Variants in NEDD4L observed in about 807,000 individuals in gnomAD.
NEDD4L encodes NEDD4 like E3 ubiquitin protein ligase.
In NEDD4L, 54 loss-of-function variants were observed where a neutral mutation model predicts 148.9. The observed-to-expected ratio is 0.36, with a 90% CI of 0.29 to 0.45. The LOEUF (loss-of-function observed/expected upper bound fraction) is 0.45. Among genes scored for constraint, NEDD4L ranks in the 20% least tolerant of loss-of-function variants. NEDD4L has a pLI of 1.00. For missense variants in NEDD4L, 856 were observed against 1,233.8 expected (o/e 0.69, Z 4.59); for synonymous variants, 433 against 440.7 (o/e 0.98, Z 0.22).
intron 1 of NEDD4L, among the ~76,000 whole-genome samples, chr18:58,053,763 G>A (rs1432527256): frequency 6.6e-6 from 1 of 152,204 alleles, no homozygotes; most frequent in Non-Finnish European, 1.5e-5. Flanking sequence ...TGCTGAGATT[G>A]TTGTAATACT....
intron 1 of NEDD4L, among the ~76,000 whole-genome samples, chr18:58,112,362 T>G (rs2085472732): frequency 1.4e-4 from 1 of 7,298 alleles, no homozygotes; most frequent in South Asian, 5.4e-3. Context: ...CTATTTGTCT[T>G]TATTTATTTA....
At chr18:58,132,713 T>G (rs1036296373) in intron 1 of NEDD4L, among the ~76,000 whole-genome samples, 5 of 152,252 alleles carry the variant, frequency 3.3e-5, no homozygotes, top group Admixed American at 6.5e-5. Flanking sequence ...TAGTGGGCCT[T>G]GGACCTGCTG....
intron 1 of NEDD4L, among the ~76,000 whole-genome samples, chr18:58,153,009 T>C (rs480230): frequency 0.054 from 8,268 of 152,040 alleles, 754 homozygotes; most frequent in African/African-American, 0.19. Flanking sequence ...GTCTTCAGGG[T>C]TTTAGGGGAA....
intron 2 of NEDD4L, among the ~76,000 whole-genome samples, chr18:58,192,280 C>T (rs1269543420): frequency 6.6e-6 from 1 of 152,224 alleles, no homozygotes; most frequent in Non-Finnish European, 1.5e-5. Flanking sequence ...TCTTAACATA[C>T]AGACATTAAA....
intron 2 of NEDD4L, chr18:58,195,633 TCGCCGCC>T (rs766470319): frequency 7.4e-7 from 1 of 1,349,892 alleles, no homozygotes; most frequent in South Asian, 1.1e-5. Context: ...GGATTTCTCC[TCGCCGCC>T]GTTGCTGTTG....
In NEDD4L at chr18:58,350,736, C is replaced by T. The variant is rs1350396229; in HGVS notation, c.1654-255C>T. Among the ~76,000 whole-genome samples, 2 of 152,222 alleles carry T rather than the reference C, an allele frequency of 1.3e-5. 1 individual carries two copies. Among genetic ancestry groups the T allele is most frequent in the Admixed American group, 1.3e-4 (2 of 15,286 alleles). On this transcript the variant is annotated intron_variant, in intron 17 of 30. Coordinates refer to ENST00000400345, the MANE Select transcript of NEDD4L (RefSeq NM_001144967.3). ...GGAATGCTGCGGTTTCCCTTTGAAG[C>T]TTTTGAGCTAGCAGCCCATTTCCGG...
intron 11 of NEDD4L, among the ~76,000 whole-genome samples, chr18:58,332,422 CG>C (rs2041112785): frequency 6.6e-6 from 1 of 152,106 alleles, no homozygotes; most frequent in African/African-American, 2.4e-5. Context: ...CTGAAGCAGG[CG>C]GATCACCTGA....
intron 1 of NEDD4L, among the ~76,000 whole-genome samples, chr18:58,061,183 C>G (rs922568318): frequency 3.9e-5 from 6 of 152,140 alleles, no homozygotes; most frequent in Non-Finnish European, 5.9e-5. Flanking sequence ...TCATCTCGCC[C>G]CAAATGCTGC....
At chr18:58,213,708 A>G (rs2042840744) in intron 2 of NEDD4L, among the ~76,000 whole-genome samples, 1 of 152,092 alleles carries the variant, frequency 6.6e-6, no homozygotes, top group Non-Finnish European at 1.5e-5. Flanking sequence ...TTTGAGGTTA[A>G]ACATGCTGGC....
At chr18:58,111,901 C>A (rs1019928548) in intron 1 of NEDD4L, among the ~76,000 whole-genome samples, 15 of 152,196 alleles carry the variant, frequency 9.9e-5, no homozygotes, top group Non-Finnish European at 1.6e-4. Flanking sequence ...GACATTCCCC[C>A]CCAGCAGTGT....
chr18:58,374,607 G>C (rs1271973782), intron 24 of NEDD4L, among the ~76,000 whole-genome samples: 1 of 152,008 alleles, frequency 6.6e-6, no homozygotes, highest in Non-Finnish European at 1.5e-5. Context: ...GTCTCCAGCA[G>C]CCTCCCCAGG....
At chr18:58,169,905 G>C (rs1294633544) in intron 2 of NEDD4L, among the ~76,000 whole-genome samples, 2 of 152,236 alleles carry the variant, frequency 1.3e-5, no homozygotes, top group Admixed American at 6.5e-5. Flanking sequence ...ATAGTTCTGT[G>C]AGTGAGGTTG....
At chr18:58,138,038 T>G (rs2033052021) in intron 1 of NEDD4L, among the ~76,000 whole-genome samples, 1 of 152,210 alleles carries the variant, frequency 6.6e-6, no homozygotes, top group South Asian at 2.1e-4. Context: ...GCCCCGGGTC[T>G]GCCATCACCC....
At chr18:58,301,326 A>C (rs1484823400) in intron 5 of NEDD4L, among the ~76,000 whole-genome samples, 1 of 152,218 alleles carries the variant, frequency 6.6e-6, no homozygotes, top group African/African-American at 2.4e-5. Context: ...GTTGAATTTT[A>C]ATGAAATTGG....
rs1461325776 is a variant in NEDD4L, at chr18:58,256,730, G to A, written c.297+4676G>A. Reference sequence around the variant, plus strand: ...GGAAGAAGCTCCCCAGAATCCCGAGGAGAAAAGCGCCAAAAGCCCTGTTTC... The same window carrying A: ...GGAAGAAGCTCCCCAGAATCCCGAGAAGAAAAGCGCCAAAAGCCCTGTTTC... On this transcript the variant is annotated intron_variant, in intron 5 of 30. Coordinates refer to ENST00000400345, the MANE Select transcript of NEDD4L (RefSeq NM_001144967.3). This position sits in a 1 kb window ranked among gnomAD's most constrained non-coding sequence, Gnocchi z 5.2. The A allele has an allele frequency of 1.5e-5, 18 of 1,231,994 alleles. No individual in the cohort carries two copies. Among genetic ancestry groups the A allele is most frequent in the African/African-American group, 1.1e-4 (7 of 64,430 alleles). 76.3% of individuals were successfully genotyped at this position (1,231,994 alleles called of 1,614,324 possible).
chr18:58,339,704 T>C (rs60248283), intron 13 of NEDD4L, among the ~76,000 whole-genome samples: 227 of 152,326 alleles, frequency 1.5e-3, no homozygotes, highest in African/African-American at 5.0e-3. Flanking sequence ...CTCTGAATTG[T>C]GCTTTTAAGC....
chr18:58,063,036 G>GTTGT lies in NEDD4L; in HGVS notation c.48+18330_48+18331insGTTT, dbSNP rs1555679333. Among the ~76,000 whole-genome samples the GTTGT allele has an allele frequency of 1.8e-4, 12 of 67,244 alleles. 1 individual carries two copies. The highest frequency in any genetic ancestry group is 2.1e-3 in the South Asian group (2 of 968). 44.1% of individuals were successfully genotyped at this position (67,244 alleles called of 152,430 possible). On this transcript the variant is annotated intron_variant, in intron 1 of 30. Coordinates refer to ENST00000400345, the MANE Select transcript of NEDD4L (RefSeq NM_001144967.3). The stretch of plus-strand genomic sequence containing the variant: ...GAAGGGTCGATAATTTCATTTATTT[G>GTTGT]TTCTTTTTTTTTTTTTTTTTTTTTT...
At chr18:58,264,599 T>C (rs897036156) in intron 5 of NEDD4L, among the ~76,000 whole-genome samples, 4 of 152,096 alleles carry the variant, frequency 2.6e-5, no homozygotes, top group African/African-American at 9.7e-5. Flanking sequence ...CAGTGTGTAA[T>C]GATCAAATCA....
rs1362927696 is a variant in NEDD4L, at chr18:58,256,344, G to A, written c.297+4290G>A. On this transcript the variant is annotated intron_variant, in intron 5 of 30. Transcript: ENST00000400345. This position sits in a 1 kb window ranked among gnomAD's most constrained non-coding sequence, Gnocchi z 5.2. ...CTGCAGCACGTTCCAGATGCTTCTG[G>A]AAGCTCTGGGAAGCGGTGTTTTGTC... is the stretch of plus-strand genomic sequence containing the variant. The A allele has an allele frequency of 8.1e-7, 1 of 1,231,994 alleles. No homozygotes were observed. Among genetic ancestry groups the A allele is most frequent in the East Asian group, 3.2e-5 (1 of 31,712 alleles). The allele number at this position is 1,231,994 out of a possible 1,614,324, so 76.3% of individuals were successfully genotyped here.
Sources: allele counts gnomAD v4.1 joint callset (sites outside exome capture counted in the v4.1 genomes callset), GRCh38; gene constraint gnomAD v4.1.1; non-coding constraint Gnocchi (gnomAD v3.1); transcripts MANE v1.5; gene names NCBI Gene and HGNC (gene_info 2026-07-23, HGNC 2026-07-21).